Variants in ZFAT observed in about 807,000 individuals in gnomAD.
The protein encoded by ZFAT is zinc finger protein ZFAT.
In ZFAT, 64 loss-of-function variants were observed where a neutral mutation model predicts 117.7. The observed-to-expected ratio is 0.54, with a 90% CI of 0.44 to 0.67. The LOEUF (loss-of-function observed/expected upper bound fraction) is 0.67, where lower values mean the gene tolerates loss of function less well. Ranked by LOEUF, ZFAT falls within the 30% of genes least tolerant of loss-of-function variation. The pLI is 0.00. For synonymous variants in ZFAT, 679 were observed against 615.0 expected (o/e 1.10, Z -1.54); for missense variants, 1,433 against 1,584.5 (o/e 0.90, Z 1.62).
chr8:134,509,774 C>A (rs143085332), intron 14 of ZFAT, 25 bp from the exon 15 acceptor site: 1 of 1,578,378 alleles, frequency 6.3e-7, no homozygotes, highest in Admixed American at 1.9e-5. Context: ...GCAAAGAGGA[C>A]ACCATTCAGG....
the ZFAT span, among the ~76,000 whole-genome samples, chr8:134,767,693 C>T: frequency 3.7e-4 from 56 of 152,124 alleles, no homozygotes; most frequent in East Asian, 0.01. Context: ...GTTTTGGCTT[C>T]GATTTTACTG....
At chr8:134,550,195 AC>A (rs1823027101) in intron 11 of ZFAT, among the ~76,000 whole-genome samples, 3 of 151,552 alleles carry the variant, frequency 2.0e-5, no homozygotes, top group Admixed American at 2.0e-4. Flanking sequence ...ACCGGGCACC[AC>A]CCATGCTGGG....
intron 3 of ZFAT, among the ~76,000 whole-genome samples, chr8:134,612,648 A>G (rs1187126201): frequency 6.6e-6 from 1 of 152,254 alleles, no homozygotes; most frequent in Non-Finnish European, 1.5e-5. Flanking sequence ...ACAGTTTTAT[A>G]GAAGTTCTTT....
chr8:134,760,005 G>T, the ZFAT span, among the ~76,000 whole-genome samples: 43,281 of 143,500 alleles, frequency 0.3, 6,867 homozygotes, highest in Non-Finnish European at 0.33. Flanking sequence ...CAGAGGCCGG[G>T]TGCGGTGGCT....
chr8:134,659,682 T>C lies in ZFAT; in HGVS notation c.20-1945A>G, dbSNP rs574376191. Among the ~76,000 whole-genome samples the C allele has an allele frequency of 2.0e-5, 3 of 152,280 alleles. No homozygotes were observed. The East Asian group carries it at 5.8e-4, about 29-fold the overall frequency. On this transcript the variant is annotated intron_variant, in intron 1 of 15. Coordinates refer to ENST00000377838, the MANE Select transcript of ZFAT (RefSeq NM_020863.4). ...CTATAAGCATACTCTTATTCTCCCA[T>C]CTTAAAATGAAAACAACTCCTGATC...
chr8:134,792,183 C>A, the ZFAT span: 1 of 152,128 alleles, frequency 6.6e-6, no homozygotes, highest in African/African-American at 2.4e-5. Flanking sequence ...GCCCTTACTG[C>A]CTAATTAAAA....
intron 1 of ZFAT, among the ~76,000 whole-genome samples, chr8:134,670,007 G>A (rs963471057): frequency 2.0e-5 from 3 of 152,176 alleles, no homozygotes; most frequent in Non-Finnish European, 2.9e-5. Flanking sequence ...GACAAAGAAG[G>A]CCAGTACATA....
intron 11 of ZFAT, among the ~76,000 whole-genome samples, chr8:134,555,735 T>C (rs1033473347): frequency 6.6e-6 from 1 of 151,178 alleles, no homozygotes; most frequent in Non-Finnish European, 1.5e-5. Context: ...CAATAGAAAC[T>C]GATGTGCAGG....
At chr8:134,807,436 T>TG in the ZFAT span, among the ~76,000 whole-genome samples, 103 of 136,098 alleles carry the variant, frequency 7.6e-4, no homozygotes, top group African/African-American at 2.9e-3. Flanking sequence ...ATAAATATTC[T>TG]GGAAAAAAAA....
chr8:134,669,801 A>G (rs922738211), intron 1 of ZFAT, among the ~76,000 whole-genome samples: 2 of 152,160 alleles, frequency 1.3e-5, no homozygotes, highest in African/African-American at 2.4e-5. Flanking sequence ...AAAAGACACA[A>G]ACTGGCAAAC....
chr8:134,532,551 C>T (rs917036449), intron 12 of ZFAT, among the ~76,000 whole-genome samples: 2 of 152,208 alleles, frequency 1.3e-5, no homozygotes, highest in Admixed American at 6.5e-5. Context: ...GAAGGCAATG[C>T]TGACAAATCA....
chr8:134,805,362 A>T, the ZFAT span, among the ~76,000 whole-genome samples: 3 of 152,148 alleles, frequency 2.0e-5, no homozygotes, highest in Non-Finnish European at 4.4e-5. Context: ...GTTAAAAATG[A>T]CTCCTTTTAT....
chr8:134,798,761 T>C, the ZFAT span, among the ~76,000 whole-genome samples: 1 of 152,082 alleles, frequency 6.6e-6, no homozygotes, highest in Non-Finnish European at 1.5e-5. Context: ...AACACTAGAA[T>C]TAGGAATTTA....
At chr8:134,484,879 T>G (rs1166043451) in intron 15 of ZFAT, among the ~76,000 whole-genome samples, 1 of 152,182 alleles carries the variant, frequency 6.6e-6, no homozygotes, top group Admixed American at 6.5e-5. Flanking sequence ...CACTGCAGCC[T>G]CAAACTCCTG....
intron 11 of ZFAT, among the ~76,000 whole-genome samples, chr8:134,557,892 G>C (rs1373394108): frequency 6.6e-6 from 1 of 152,188 alleles, no homozygotes; most frequent in Non-Finnish European, 1.5e-5. Flanking sequence ...AGAACTAGCT[G>C]TGTGCTGTTT....
At chr8:134,533,257 T>C (rs1314628059) in intron 11 of ZFAT, among the ~76,000 whole-genome samples, 2 of 152,234 alleles carry the variant, frequency 1.3e-5, no homozygotes, top group Non-Finnish European at 2.9e-5. Flanking sequence ...AGAATTTAGT[T>C]TTTGTTCAAG....
Position 134,479,894 on chromosome 8 carries a change from T to C in ZFAT, c.3493-1173A>G, listed in dbSNP as rs1300536895. Among the ~76,000 whole-genome samples the C allele has an allele frequency of 2.6e-5, 4 of 151,864 alleles. No homozygotes were observed. In the East Asian group the frequency reaches 7.7e-4, roughly 29 times the overall value. ...TGGGAGAATGGAAGGAGATTCTATA[T>C]GCAAAGTGGGTGCTCAATAACAGTA... On this transcript the variant is annotated intron_variant, in intron 15 of 15. Coordinates refer to ENST00000377838, the MANE Select transcript of ZFAT (RefSeq NM_020863.4).
intron 3 of ZFAT, among the ~76,000 whole-genome samples, chr8:134,620,768 A>T (rs1179099760): frequency 6.6e-6 from 1 of 152,130 alleles, no homozygotes; most frequent in African/African-American, 2.4e-5. Context: ...TTCAGAGAAA[A>T]CCCGGTTGAG....
intron 10 of ZFAT, chr8:134,565,676 A>C: frequency 1.7e-6 from 1 of 586,980 alleles, no homozygotes; most frequent in South Asian, 1.9e-5. Flanking sequence ...GAGCAATGAC[A>C]TTCGATCAGG....
Sources: allele counts gnomAD v4.1 joint callset (sites outside exome capture counted in the v4.1 genomes callset), GRCh38; gene constraint gnomAD v4.1.1; transcripts MANE v1.5; gene names NCBI Gene and HGNC (gene_info 2026-07-23, HGNC 2026-07-21).